PRR11: variants seen among roughly 807,000 people sequenced by gnomAD.
PRR11 encodes the protein proline rich 11.
Under a neutral mutation model 45.6 loss-of-function variants are expected in PRR11, and 30 were observed. That is an observed-to-expected ratio of 0.66 (90% CI 0.49 to 0.89). The LOEUF is 0.89. Among genes scored for constraint, PRR11 ranks in the 40% least tolerant of loss-of-function variants. The pLI, the probability that PRR11 is intolerant of heterozygous loss-of-function variation, is 0.00. For missense variants in PRR11, 373 were observed against 424.8 expected (o/e 0.88, Z 1.07); for synonymous variants, 128 against 153.5 (o/e 0.83, Z 1.23).
At chr17:59,176,496 G>C (rs2046746415) in intron 2 of PRR11, among the ~76,000 whole-genome samples, 1 of 152,056 alleles carries the variant, frequency 6.6e-6, no homozygotes. Context: ...TGGGAACCCG[G>C]AGGAGGTCGA....
chr17:59,170,625 C>T (rs2046703118), intron 2 of PRR11, among the ~76,000 whole-genome samples: 2 of 152,028 alleles, frequency 1.3e-5, no homozygotes, highest in African/African-American at 2.4e-5. Flanking sequence ...TGCTGTGTTG[C>T]CCAGGCTGGC....
intron 1 of PRR11, among the ~76,000 whole-genome samples, chr17:59,163,377 G>A (rs2046663431): frequency 6.6e-6 from 1 of 152,194 alleles, no homozygotes; most frequent in Admixed American, 6.5e-5. Context: ...GAGCCACCAT[G>A]CCCAGCCAAT....
In PRR11 at chr17:59,204,781, C is replaced by T. The variant is rs2046910501; in HGVS notation, c.*3150C>T. On this transcript the variant is annotated 3_prime_UTR_variant, in exon 10 of 10. Coordinates refer to ENST00000262293, the MANE Select transcript of PRR11 (RefSeq NM_018304.4). The stretch of plus-strand genomic sequence containing the variant: ...CAGTGGCTCACACCTATAATCCTAG[C>T]ACTTTGGGAGGCTAAGGCAGGAGGA... 6.6e-6 allele frequency: 1 copy of T among 152,004 alleles called. No individual in the cohort carries two copies. Among genetic ancestry groups the T allele is most frequent in the South Asian group, 2.1e-4 (1 of 4,830 alleles). The allele number at this position is 152,004 out of a possible 1,614,324, so 9.4% of individuals were successfully genotyped here.
intron 1 of PRR11, among the ~76,000 whole-genome samples, chr17:59,166,987 C>A (rs2147835449): frequency 6.6e-6 from 1 of 152,184 alleles, no homozygotes; most frequent in South Asian, 2.1e-4. Flanking sequence ...CATGGTGAAA[C>A]CCCGTCCCCA....
chr17:59,157,744 T>C (rs899748468), intron 1 of PRR11, among the ~76,000 whole-genome samples: 2 of 151,942 alleles, frequency 1.3e-5, no homozygotes, highest in African/African-American at 4.8e-5. Context: ...AAAGACTATG[T>C]TGGTGTTGTT....
At position 59,185,058 on chromosome 17, in the gene PRR11, G is replaced by A. The variant is rs114400215; in HGVS notation, c.133G>A (p.Gly45Ser). The A allele has an allele frequency of 6.5e-5, 105 of 1,612,076 alleles. No homozygotes were observed. The African/African-American group carries it at 1.2e-3, about 19-fold the overall frequency. The change falls in exon 3 of 10, where the codon GGT (glycine) becomes AGT (serine). Residue 45 changes from glycine to serine, a missense_variant. Gly to Ser is a moderately conservative substitution (Grantham distance 56, BLOSUM62 0). Transcript: ENST00000262293. ...TTCATTTTGTTTTTCCTACAGAGTC[G>A]GTATTTCTTCAATAGATATATCTCA... ...PPPPPSPERV[G>S]ISSIDISQSR...
intron 1 of PRR11, among the ~76,000 whole-genome samples, chr17:59,161,685 G>A (rs1260780582): frequency 1.3e-5 from 2 of 152,182 alleles, no homozygotes; most frequent in African/African-American, 4.8e-5. Flanking sequence ...GGAGGTCAAA[G>A]CTGCAGAGAG....
rs998338472 is a variant in PRR11 at position 59,180,373 on chromosome 17, C to T, written c.129-4681C>T. On this transcript the variant is annotated intron_variant, in intron 2 of 9. Coordinates refer to ENST00000262293, the MANE Select transcript of PRR11 (RefSeq NM_018304.4). Reference sequence around the variant, plus strand: ...CTCAAACTCCTGGCCTCAAGTGATCCGCCTGCCTTGGCCTCCCGAAGTGCT... The same window carrying T: ...CTCAAACTCCTGGCCTCAAGTGATCTGCCTGCCTTGGCCTCCCGAAGTGCT... 4.9e-4 allele frequency among the ~76,000 whole-genome samples: 74 copies of T among 151,338 alleles called. 1 individual carries two copies. The highest frequency in any genetic ancestry group is 1.6e-3 in the African/African-American group (66 of 40,946).
At chr17:59,180,152 A>G (rs1599699910) in intron 2 of PRR11, among the ~76,000 whole-genome samples, 2 of 119,496 alleles carry the variant, frequency 1.7e-5, no homozygotes, top group African/African-American at 6.7e-5. Flanking sequence ...TTTTTTTGAC[A>G]CAGAGTCTTG....
intron 2 of PRR11, chr17:59,175,244 C>A: frequency 2.9e-6 from 1 of 346,228 alleles, no homozygotes; most frequent in Non-Finnish European, 5.6e-6. Context: ...TGGCACCCAC[C>A]CTGCAGAACC....
chr17:59,172,640 CGGGCAGTGA>C (rs1352656664), intron 2 of PRR11, among the ~76,000 whole-genome samples: 1 of 152,204 alleles, frequency 6.6e-6, no homozygotes, highest in African/African-American at 2.4e-5. Flanking sequence ...CCGGCCAGCC[CGGGCAGTGA>C]GGGGCTTAGC....
chr17:59,195,425 G>A lies in PRR11; in HGVS notation c.839G>A (p.Arg280Gln), dbSNP rs563868. 530 of 1,608,554 alleles carry A rather than the reference G, an allele frequency of 3.3e-4. 2 individuals carry two copies. In the African/African-American group the frequency reaches 5.8e-3, roughly 18 times the overall value. ...LKPNSKVLST[R>Q]VTNVLITPGK... ...CCTAACTCCAAAGTGTTATCGACTC[G>A]AGTTACAAACGTCTTAATGTAAGGA... The change falls in exon 7 of 10, where the codon CGA becomes CAA. Residue 280 changes from arginine to glutamine, a missense_variant. Physicochemically the swap from Arg to Gln is conservative, Grantham distance 43 (BLOSUM62 1). Transcript: ENST00000262293.
chr17:59,192,186 T>G (rs1479984345), intron 4 of PRR11, among the ~76,000 whole-genome samples: 1 of 151,852 alleles, frequency 6.6e-6, no homozygotes, highest in Non-Finnish European at 1.5e-5. Context: ...AGAGAAGCAA[T>G]GTGACCACAG....
rs1568327113 is a variant in PRR11, at chr17:59,194,867, T to C, written c.744+12T>C. 1 of 1,596,140 alleles carries C rather than the reference T, an allele frequency of 6.3e-7. No individual in the cohort carries two copies. Among genetic ancestry groups the C allele is most frequent in the African/African-American group, 1.3e-5 (1 of 74,500 alleles). On this transcript the variant is annotated intron_variant, in intron 6 of 9. Transcript: ENST00000262293. ...ATGAAAAGAGGAAGGTAAGATGTCA[T>C]TGACCACATACATGCTCTTTTTGCT...
chr17:59,175,216 C>T lies in PRR11; in HGVS notation c.128+5336C>T, dbSNP rs190675836. 272 of 438,614 alleles carry T rather than the reference C, an allele frequency of 6.2e-4. 5 individuals carry two copies. Among genetic ancestry groups the T allele is most frequent in the South Asian group, 2.8e-3 (145 of 50,978 alleles). The allele number at this position is 438,614 out of a possible 1,614,324, so 27.2% of individuals were successfully genotyped here. A position where few individuals can be genotyped will look rare whatever the true frequency, so the allele number is the denominator to read the frequency against. ...GCTTCCCAGAGAGGAGGGCAGGGGACGATCCTCAGCTCAGGACTGGCACCC... is the reference window on the plus strand; with the variant it reads ...GCTTCCCAGAGAGGAGGGCAGGGGATGATCCTCAGCTCAGGACTGGCACCC... On this transcript the variant is annotated intron_variant, in intron 2 of 9. Transcript: ENST00000262293.
At chr17:59,185,824 A>G (rs1040832715) in intron 4 of PRR11, among the ~76,000 whole-genome samples, 3 of 152,180 alleles carry the variant, frequency 2.0e-5, no homozygotes, top group East Asian at 1.9e-4. Flanking sequence ...CAGCATACCA[A>G]TGCTTGCTTA....
intron 2 of PRR11, among the ~76,000 whole-genome samples, chr17:59,170,643 T>C (rs1016524555): frequency 3.3e-5 from 5 of 152,172 alleles, no homozygotes; most frequent in African/African-American, 1.2e-4. Flanking sequence ...GGCCTCAAAC[T>C]CCTGGCCTCA....
intron 4 of PRR11, among the ~76,000 whole-genome samples, chr17:59,190,529 T>G (rs1016036083): frequency 1.3e-5 from 2 of 152,180 alleles, no homozygotes; most frequent in Admixed American, 6.5e-5. Context: ...TGTTATTTCC[T>G]TCACTAAGAA....
rs1179158786 is a variant in PRR11 at position 59,194,856 on chromosome 17, G to A, written c.744+1G>A. On this transcript the variant is annotated splice_donor_variant, in intron 6 of 9. Coordinates refer to ENST00000262293, the MANE Select transcript of PRR11 (RefSeq NM_018304.4). LOFTEE classifies it high-confidence loss of function. Reference sequence around the variant, plus strand: ...ACAGAGTTTAGATGAAAAGAGGAAGGTAAGATGTCATTGACCACATACATG... The same window carrying A: ...ACAGAGTTTAGATGAAAAGAGGAAGATAAGATGTCATTGACCACATACATG... The A allele has an allele frequency of 6.2e-7, 1 of 1,608,090 alleles. No homozygotes were observed. Among genetic ancestry groups the A allele is most frequent in the Non-Finnish European group, 8.5e-7 (1 of 1,175,054 alleles).
Sources: gnomAD v4.1 joint callset for allele counts (sites outside exome capture counted in the v4.1 genomes callset) on GRCh38, gnomAD v4.1.1 for gene constraint, MANE v1.5 for transcripts, NCBI Gene and HGNC (gene_info 2026-07-23, HGNC 2026-07-21) for gene names.